Variants in HACD3 observed in about 807,000 individuals in gnomAD.
The protein encoded by HACD3 is very-long-chain (3R)-3-hydroxyacyl-CoA dehydratase 3.
Under a neutral mutation model 55.2 loss-of-function variants are expected in HACD3, and 30 were observed. The observed-to-expected ratio is 0.54, with a 90% CI of 0.41 to 0.74. HACD3 has a LOEUF of 0.74. Ranked by LOEUF, HACD3 falls within the 30% of genes least tolerant of loss-of-function variation. The pLI is 0.00. For missense variants in HACD3, 363 were observed against 440.1 expected (o/e 0.82, Z 1.57); for synonymous variants, 141 against 151.7 (o/e 0.93, Z 0.52).
intron 1 of HACD3, among the ~76,000 whole-genome samples, chr15:65,537,929 T>C (rs2071971844): frequency 8.6e-6 from 1 of 116,592 alleles, no homozygotes; most frequent in Non-Finnish European, 1.7e-5. Context: ...GAGGCCAACT[T>C]CTCAGAAAAA....
At chr15:65,549,449 AATT>A in intron 1 of HACD3, among the ~76,000 whole-genome samples, 2 of 143,538 alleles carry the variant, frequency 1.4e-5, no homozygotes, top group Middle Eastern at 3.7e-3. Flanking sequence ...AAAAAAAAAA[AATT>A]AGCTGGGTGT....
chr15:65,537,519 G>T (rs1034431590), intron 1 of HACD3, among the ~76,000 whole-genome samples: 11 of 151,618 alleles, frequency 7.3e-5, no homozygotes, highest in Admixed American at 7.2e-4. Flanking sequence ...GGCCGGGCAT[G>T]GTGGCTCATG....
At chr15:65,566,894 T>A (rs2072297823) in intron 7 of HACD3, 1 of 152,238 alleles carries the variant, frequency 6.6e-6, no homozygotes, top group African/African-American at 2.4e-5. Context: ...TAGGGAAATT[T>A]GACTCTTAGG....
rs1272710028 is a variant in HACD3, at chr15:65,543,244, T to C, written c.88-8432T>C. Among the ~76,000 whole-genome samples, 3 of 152,236 alleles carry C rather than the reference T, an allele frequency of 2.0e-5. No homozygotes were observed. The East Asian group carries it at 5.8e-4, about 29-fold the overall frequency. On this transcript the variant is annotated intron_variant, in intron 1 of 10. Transcript: ENST00000261875. ...TAGTAGATCATGTCCTTTTTAAAAA[T>C]CAACCTTCCCCCCTTTTAGTGGAAT...
At chr15:65,564,108 T>C (rs758489752) in intron 6 of HACD3, 107 bp from the exon 7 acceptor site, 1 of 1,368,686 alleles carries the variant, frequency 7.3e-7, no homozygotes, top group Non-Finnish European at 1.0e-6. Context: ...GGATGTTTGT[T>C]ATTCCTTTCT....
chr15:65,554,915 T>G lies in HACD3; in HGVS notation c.159T>G (p.Asn53Lys). The change falls in exon 3 of 11, where the codon AAT becomes AAG. Residue 53 changes from asparagine (N) to lysine (K), a missense_variant. Transcript: ENST00000261875. Reference sequence around the variant, plus strand: ...AAGGACATGGTGCCAAAGGAGACAATGTCTATGAATTTCACCTGGAGTTCT... The same window carrying G: ...AAGGACATGGTGCCAAAGGAGACAAGGTCTATGAATTTCACCTGGAGTTCT... The part of the protein sequence containing the change: ...KAQGHGAKGD[N>K]VYEFHLEFLD... 1.9e-6 allele frequency: 3 copies of G among 1,612,594 alleles called. No individual in the cohort carries two copies. The highest frequency in any genetic ancestry group is 2.5e-6 in the Non-Finnish European group (3 of 1,178,660).
intron 1 of HACD3, among the ~76,000 whole-genome samples, chr15:65,550,571 G>T (rs893211138): frequency 1.3e-5 from 2 of 152,178 alleles, no homozygotes; most frequent in African/African-American, 4.8e-5. Flanking sequence ...GTTCTACCAA[G>T]CATTTAAATA....
At chr15:65,540,543 A>T (rs946738861) in intron 1 of HACD3, among the ~76,000 whole-genome samples, 1 of 152,214 alleles carries the variant, frequency 6.6e-6, no homozygotes, top group Non-Finnish European at 1.5e-5. Context: ...GAACATTCCA[A>T]CAAGTCCACA....
chr15:65,552,830 T>C (rs1214533948), intron 2 of HACD3, among the ~76,000 whole-genome samples: 1 of 151,886 alleles, frequency 6.6e-6, no homozygotes, highest in Non-Finnish European at 1.5e-5. Flanking sequence ...CTCCCGATGC[T>C]ATCCCTCCCC....
intron 6 of HACD3, among the ~76,000 whole-genome samples, 186 bp downstream of exon 6, chr15:65,563,070 C>G (rs2072259138): frequency 6.6e-6 from 1 of 152,070 alleles, no homozygotes; most frequent in Admixed American, 6.5e-5. Flanking sequence ...GACTGGTATT[C>G]TTTCCATATA....
intron 5 of HACD3, among the ~76,000 whole-genome samples, chr15:65,562,271 C>T (rs569545104): frequency 1.3e-5 from 2 of 152,210 alleles, no homozygotes; most frequent in Non-Finnish European, 2.9e-5. Flanking sequence ...GCAAGACCCT[C>T]TCTGGAATGA....
At position 65,578,336 on chromosome 15, in the gene HACD3, A is replaced by G. The variant is rs2072432876; in HGVS notation, c.*1957A>G. The G allele has an allele frequency of 6.6e-6, 1 of 152,226 alleles. No individual in the cohort carries two copies. Among genetic ancestry groups the G allele is most frequent in the Non-Finnish European group, 1.5e-5 (1 of 68,038 alleles). 9.4% of individuals were successfully genotyped at this position (152,226 alleles called of 1,614,324 possible). ...AAAGATTGTGTATTTCTATTAAAAC[A>G]TTTACAATCAAAATTCTAATGACTG... On this transcript the variant is annotated 3_prime_UTR_variant, in exon 11 of 11. Transcript: ENST00000261875.
chr15:65,544,970 G>A (rs1317358918), intron 1 of HACD3, among the ~76,000 whole-genome samples: 1 of 151,158 alleles, frequency 6.6e-6, no homozygotes, highest in Non-Finnish European at 1.5e-5. Context: ...GCGGTGAGCC[G>A]AGATGGCACC....
chr15:65,549,195 G>A (rs2072106740), intron 1 of HACD3, among the ~76,000 whole-genome samples: 1 of 152,172 alleles, frequency 6.6e-6, no homozygotes, highest in East Asian at 1.9e-4. Context: ...ACTCAGATAA[G>A]CTGAACGTGG....
Position 65,542,343 on chromosome 15 carries a change from A to G in HACD3, c.88-9333A>G, listed in dbSNP as rs536206394. Among the ~76,000 whole-genome samples, 5 of 151,782 alleles carry G rather than the reference A, an allele frequency of 3.3e-5. No individual in the cohort carries two copies. The East Asian group carries it at 5.9e-4, about 18-fold the overall frequency. ...CAGTGGTGTGATCCTGGCTCACTGC[A>G]GTCTCCACCTCTCAGGCCCAAGTGA... On this transcript the variant is annotated intron_variant, in intron 1 of 10. Transcript: ENST00000261875.
Position 65,562,792 on chromosome 15 carries a change from A to C in HACD3, c.440A>C (p.Lys147Thr). 6.2e-7 allele frequency: 1 copy of C among 1,613,866 alleles called. No homozygotes were observed. Among genetic ancestry groups the C allele is most frequent in the Non-Finnish European group, 8.5e-7 (1 of 1,179,838 alleles). The change falls in exon 6 of 11, where the codon AAA (lysine) becomes ACA (threonine). Residue 147 changes from lysine (K) to threonine (T), a missense_variant. Transcript: ENST00000261875. The stretch of plus-strand genomic sequence containing the variant: ...TTTACAGCTCTTACAAACTTAAGGA[A>C]AGGATACCTGTTTATGTATAATCTT... ...GSPETLTNLRKGYLFMYNLVQ... is the reference protein window; with the variant it reads ...GSPETLTNLRTGYLFMYNLVQ...
At chr15:65,557,316 A>G (rs555523013) in intron 4 of HACD3, among the ~76,000 whole-genome samples, 1 of 152,310 alleles carries the variant, frequency 6.6e-6, no homozygotes, top group African/African-American at 2.4e-5. Flanking sequence ...TCTACTAAAA[A>G]TACAAAAAAT....
At chr15:65,556,671 C>A in intron 3 of HACD3, 68 bp from the exon 4 acceptor site, 2 of 1,443,312 alleles carry the variant, frequency 1.4e-6, no homozygotes, top group Non-Finnish European at 1.9e-6. Context: ...CTATGTACGG[C>A]GCCCCTGGCA....
At position 65,530,565 on chromosome 15, in the gene HACD3, G is replaced by A. The variant is rs1476122189; in HGVS notation, c.-67G>A. 1 of 1,421,178 alleles carries A rather than the reference G, an allele frequency of 7.0e-7. No homozygotes were observed. The highest frequency in any genetic ancestry group is 9.6e-7 in the Non-Finnish European group (1 of 1,039,184). The allele number at this position is 1,421,178 out of a possible 1,614,324, so 88.0% of individuals were successfully genotyped here. A position where few individuals can be genotyped will look rare whatever the true frequency, so the allele number is the denominator to read the frequency against. ...TGAGGCCTGCTTTCTGCTCGCGCCA[G>A]CAGAGCACTACCTGAGGCAGCGAGG... On this transcript the variant is annotated 5_prime_UTR_variant, in exon 1 of 11. Transcript: ENST00000261875.
Sources: allele counts gnomAD v4.1 joint callset (sites outside exome capture counted in the v4.1 genomes callset), GRCh38; gene constraint gnomAD v4.1.1; transcripts MANE v1.5; gene names NCBI Gene and HGNC (gene_info 2026-07-23, HGNC 2026-07-21).